The following EEPD1 variants were observed in gnomAD, a reference collection of about 807,000 sequenced individuals.
EEPD1 encodes the protein endonuclease/exonuclease/phosphatase family domain containing 1.
Under a neutral mutation model 46.3 loss-of-function variants are expected in EEPD1, and 17 were observed. That is an observed-to-expected ratio of 0.37 (90% CI 0.25 to 0.55). The LOEUF is 0.55. EEPD1 is among the 20% of genes least tolerant of loss of function. The probability of loss-of-function intolerance (pLI) is 0.83; values close to 1 mark genes in which losing one functional copy is unlikely to be tolerated. For synonymous variants in EEPD1, 313 were observed against 315.6 expected, an observed-to-expected ratio of 0.99 and a Z score of 0.09; for missense variants, 673 against 745.6, an observed-to-expected ratio of 0.90 and a Z score of 1.13.
In EEPD1 at chr7:36,225,895, A is replaced by T. The variant is rs1359666015; in HGVS notation, c.879-13090A>T. On this transcript the variant is annotated intron_variant, in intron 2 of 7. Coordinates refer to ENST00000242108, the MANE Select transcript of EEPD1 (RefSeq NM_030636.3). This position sits in a 1 kb window ranked among gnomAD's most constrained non-coding sequence, Gnocchi z 4.2. ...GACATTCTCAGATGTGCAGGGGCTT[A>T]GGGAAGTATACAAACATGCTCCTTT... is the stretch of plus-strand genomic sequence containing the variant. 6.6e-6 allele frequency among the ~76,000 whole-genome samples: 1 copy of T among 152,232 alleles called. No homozygotes were observed. The highest frequency in any genetic ancestry group is 1.5e-5 in the Non-Finnish European group (1 of 68,032).
chr7:36,179,889 ACAGTTAC>A (rs1402282840), intron 2 of EEPD1, among the ~76,000 whole-genome samples: 1 of 152,046 alleles, frequency 6.6e-6, no homozygotes, highest in African/African-American at 2.4e-5. Context: ...TTTGTGAAGC[ACAGTTAC>A]CTGAGTCACC....
chr7:36,189,741 G>A (rs1562679511), intron 2 of EEPD1, among the ~76,000 whole-genome samples: 1 of 152,220 alleles, frequency 6.6e-6, no homozygotes, highest in South Asian at 2.1e-4. Context: ...CCGTGGTAAA[G>A]AGGAGAGGCC....
At chr7:36,250,536 T>C (rs973937341) in intron 3 of EEPD1, among the ~76,000 whole-genome samples, 2 of 152,216 alleles carry the variant, frequency 1.3e-5, no homozygotes, top group Non-Finnish European at 2.9e-5. Flanking sequence ...AACACAAATG[T>C]ACCCATTCAA....
At chr7:36,248,844 C>T (rs929719939) in intron 3 of EEPD1, among the ~76,000 whole-genome samples, 6 of 152,172 alleles carry the variant, frequency 3.9e-5, no homozygotes, top group Admixed American at 1.3e-4. Context: ...GCCCAGACTC[C>T]GCTGTATGGA....
intron 2 of EEPD1, among the ~76,000 whole-genome samples, chr7:36,236,259 G>T (rs1315569958): frequency 6.6e-6 from 1 of 152,246 alleles, no homozygotes; most frequent in Admixed American, 6.5e-5. Flanking sequence ...CGAGGCCGGA[G>T]CCGGCTCCCT....
chr7:36,171,378 T>C (rs763519440), intron 2 of EEPD1, among the ~76,000 whole-genome samples: 3 of 152,200 alleles, frequency 2.0e-5, no homozygotes, highest in Non-Finnish European at 4.4e-5. Flanking sequence ...AAAAAACATA[T>C]ATGGTGACTC....
chr7:36,299,369 C>A lies in EEPD1; in HGVS notation c.*163C>A. 1 of 881,414 alleles carries A rather than the reference C, an allele frequency of 1.1e-6. No homozygotes were observed. The highest frequency in any genetic ancestry group is 1.7e-6 in the Non-Finnish European group (1 of 592,536). The allele number at this position is 881,414 out of a possible 1,614,324, so 54.6% of individuals were successfully genotyped here. A position where few individuals can be genotyped will look rare whatever the true frequency, so the allele number is the denominator to read the frequency against. The stretch of plus-strand genomic sequence containing the variant: ...GCCTTCTCTGTGGACCATTCAGGAC[C>A]TCCAGTGGGGGTGGCGTGCCAGGCG... On this transcript the variant is annotated 3_prime_UTR_variant, in exon 8 of 8. Transcript: ENST00000242108.
intron 2 of EEPD1, chr7:36,228,663 A>G (rs1013675234): frequency 6.6e-6 from 1 of 152,190 alleles, no homozygotes; most frequent in African/African-American, 2.4e-5. Context: ...GTCCTCCTCA[A>G]CCACCTACAA....
chr7:36,235,743 C>T (rs1027572976), intron 2 of EEPD1, among the ~76,000 whole-genome samples: 1 of 152,218 alleles, frequency 6.6e-6, no homozygotes, highest in Non-Finnish European at 1.5e-5. Context: ...TTATATTCTT[C>T]TGAATGTATT....
intron 6 of EEPD1, among the ~76,000 whole-genome samples, chr7:36,290,964 C>T (rs978979219): frequency 3.3e-5 from 5 of 152,134 alleles, no homozygotes; most frequent in African/African-American, 4.8e-5. Flanking sequence ...ATGTCATCAC[C>T]GACGCGGATT....
At chr7:36,271,948 C>G (rs1187838382) in intron 3 of EEPD1, among the ~76,000 whole-genome samples, 1 of 151,812 alleles carries the variant, frequency 6.6e-6, no homozygotes, top group Non-Finnish European at 1.5e-5. Flanking sequence ...ATGGCACAAT[C>G]TCGGCCCACT....
chr7:36,205,825 G>A (rs1785803524), intron 2 of EEPD1, among the ~76,000 whole-genome samples: 1 of 152,180 alleles, frequency 6.6e-6, no homozygotes, highest in Non-Finnish European at 1.5e-5. Context: ...GGAGTTTTCT[G>A]CAAAGTGGAG....
chr7:36,225,884 TGCA>T lies in EEPD1; in HGVS notation c.879-13099_879-13097del, dbSNP rs1403614468. 6.6e-6 allele frequency among the ~76,000 whole-genome samples: 1 copy of T among 152,224 alleles called. No individual in the cohort carries two copies. Among genetic ancestry groups the T allele is most frequent in the African/African-American group, 2.4e-5 (1 of 41,454 alleles). On this transcript the variant is annotated intron_variant, in intron 2 of 7. Coordinates refer to ENST00000242108, the MANE Select transcript of EEPD1 (RefSeq NM_030636.3). The surrounding 1 kb of genome is among the most constrained non-coding windows in gnomAD (Gnocchi z 4.2). ...CCAATCAGAAAGACATTCTCAGATG[TGCA>T]GGGGCTTAGGGAAGTATACAAACAT...
chr7:36,238,912 C>A lies in EEPD1; in HGVS notation c.879-73C>A, dbSNP rs768149861. 3.4e-6 allele frequency: 5 copies of A among 1,465,886 alleles called. No individual in the cohort carries two copies. The East Asian group carries it at 9.8e-5, about 29-fold the overall frequency. 90.8% of individuals were successfully genotyped at this position (1,465,886 alleles called of 1,614,324 possible). ...ATGAAATTTCAGCCTTTTGTTCTTG[C>A]GACTTGTTAGATGATCCTTGGTGAC... On this transcript the variant is annotated intron_variant, in intron 2 of 7. Coordinates refer to ENST00000242108, the MANE Select transcript of EEPD1 (RefSeq NM_030636.3).
chr7:36,270,050 A>G (rs1319357994), intron 3 of EEPD1, among the ~76,000 whole-genome samples: 2 of 152,202 alleles, frequency 1.3e-5, no homozygotes, highest in African/African-American at 4.8e-5. Context: ...ACTTGATTTT[A>G]GAAGAGCTTA....
At chr7:36,284,389 T>C (rs1257948001) in intron 4 of EEPD1, among the ~76,000 whole-genome samples, 1 of 152,228 alleles carries the variant, frequency 6.6e-6, no homozygotes, top group African/African-American at 2.4e-5. Context: ...TGGGATGTGA[T>C]GATTCTGAAG....
At chr7:36,175,988 G>A (rs1344209885) in intron 2 of EEPD1, among the ~76,000 whole-genome samples, 1 of 152,218 alleles carries the variant, frequency 6.6e-6, no homozygotes, top group Non-Finnish European at 1.5e-5. Flanking sequence ...GAGGCTGCAG[G>A]CTGTGGCGTG....
chr7:36,279,463 C>T (rs1176130031), intron 3 of EEPD1, among the ~76,000 whole-genome samples: 2 of 152,312 alleles, frequency 1.3e-5, no homozygotes, highest in East Asian at 3.9e-4. Flanking sequence ...TAATGAAGTA[C>T]TGGTGCTTCA....
chr7:36,181,291 AGG>A (rs1469750283), intron 2 of EEPD1, among the ~76,000 whole-genome samples: 1 of 151,152 alleles, frequency 6.6e-6, no homozygotes, highest in Non-Finnish European at 1.5e-5. Flanking sequence ...TCACACTCGG[AGG>A]GCTGTGGCTG....
Sources: allele counts gnomAD v4.1 joint callset (sites outside exome capture counted in the v4.1 genomes callset), GRCh38; gene constraint gnomAD v4.1.1; non-coding constraint Gnocchi (gnomAD v3.1); transcripts MANE v1.5; gene names NCBI Gene and HGNC (gene_info 2026-07-23, HGNC 2026-07-21).